Variants in ZNF385D observed in about 807,000 individuals in gnomAD.
ZNF385D encodes the protein zinc finger protein 659.
A neutral mutation model predicts 35.8 loss-of-function variants in ZNF385D; 15 were observed. That is an observed-to-expected ratio of 0.42 (90% CI 0.28 to 0.64). The LOEUF (loss-of-function observed/expected upper bound fraction) is 0.64. Among genes scored for constraint, ZNF385D ranks in the 30% least tolerant of loss-of-function variants. The pLI is 0.23. For missense variants in ZNF385D, 474 were observed against 494.6 expected (o/e 0.96, Z 0.39); for synonymous variants, 212 against 186.8 (o/e 1.13, Z -1.10).
intron 3 of ZNF385D, among the ~76,000 whole-genome samples, chr3:21,763,073 A>T (rs571081247): frequency 6.6e-5 from 10 of 152,210 alleles, no homozygotes; most frequent in Non-Finnish European, 1.3e-4. Flanking sequence ...TAAACAAATA[A>T]GACAAATTTC....
chr3:22,075,692 T>C (rs1216082947), intron 3 of ZNF385D, among the ~76,000 whole-genome samples: 1 of 151,964 alleles, frequency 6.6e-6, no homozygotes, highest in Non-Finnish European at 1.5e-5. Flanking sequence ...CAAAGAAGTT[T>C]TGATACATTC....
At position 21,750,940 on chromosome 3, in the gene ZNF385D, C is replaced by T. The variant is rs953072831; in HGVS notation, c.-24G>A. On this transcript the variant is annotated 5_prime_UTR_variant, in exon 1 of 8. Transcript: ENST00000281523. Reference sequence around the variant, plus strand: ...ATTAATCAGACAGCTGGAATCCCACCGCGGTGTCTTCAGCATCAGCTCTCA... The same window carrying T: ...ATTAATCAGACAGCTGGAATCCCACTGCGGTGTCTTCAGCATCAGCTCTCA... The T allele has an allele frequency of 1.4e-5, 23 of 1,614,094 alleles. No homozygotes were observed. The highest frequency in any genetic ancestry group is 1.9e-5 in the Non-Finnish European group (23 of 1,180,010).
intron 1 of ZNF385D, among the ~76,000 whole-genome samples, chr3:21,732,209 C>T (rs534628496): frequency 7.9e-4 from 120 of 151,688 alleles, no homozygotes; most frequent in African/African-American, 2.8e-3. Flanking sequence ...GCCACCACAC[C>T]CGGCTAATTT....
intron 3 of ZNF385D, among the ~76,000 whole-genome samples, chr3:21,958,641 C>T (rs114073943): frequency 3.3e-5 from 5 of 152,058 alleles, no homozygotes; most frequent in African/African-American, 1.2e-4. Flanking sequence ...CAGGGTAGAA[C>T]TAGATTCTAT....
intron 3 of ZNF385D, among the ~76,000 whole-genome samples, chr3:22,144,091 G>A (rs1028922293): frequency 2.6e-5 from 4 of 152,134 alleles, no homozygotes; most frequent in Non-Finnish European, 4.4e-5. Flanking sequence ...ATAAAAGAAT[G>A]TGGGAAAAAT....
At chr3:21,724,477 C>CAAAAAAAAAAAA (rs200803155) in intron 1 of ZNF385D, among the ~76,000 whole-genome samples, 11 of 52,010 alleles carry the variant, frequency 2.1e-4, no homozygotes, top group African/African-American at 3.2e-4. Flanking sequence ...AATGGAAAGC[C>CAAAAAAAAAAAA]AAAAAAAAAA....
At chr3:22,249,296 C>T (rs1474847589) in intron 2 of ZNF385D, among the ~76,000 whole-genome samples, 1 of 152,132 alleles carries the variant, frequency 6.6e-6, no homozygotes, top group African/African-American at 2.4e-5. Flanking sequence ...TAGCAACTGT[C>T]TTAATAAATG....
chr3:21,641,378 G>A (rs1289151037), intron 2 of ZNF385D, among the ~76,000 whole-genome samples: 2 of 151,634 alleles, frequency 1.3e-5, no homozygotes, highest in Non-Finnish European at 2.9e-5. Context: ...CAGAGGAGGG[G>A]GAGGTGAGAG....
At chr3:21,582,802 G>C (rs909729601) in intron 2 of ZNF385D, among the ~76,000 whole-genome samples, 4 of 151,534 alleles carry the variant, frequency 2.6e-5, no homozygotes, top group African/African-American at 9.7e-5. Flanking sequence ...CTTTGAGATG[G>C]AGTCTCGCTC....
At chr3:21,700,570 A>C (rs1325615155) in intron 1 of ZNF385D, among the ~76,000 whole-genome samples, 2 of 152,128 alleles carry the variant, frequency 1.3e-5, no homozygotes, top group East Asian at 3.9e-4. Context: ...ACCTAAGTAC[A>C]CTCTGGCTCT....
intron 2 of ZNF385D, among the ~76,000 whole-genome samples, chr3:22,363,695 G>A (rs1379611735): frequency 6.6e-6 from 1 of 152,164 alleles, no homozygotes; most frequent in Non-Finnish European, 1.5e-5. Flanking sequence ...CAAGTCTGGT[G>A]AGTGTGTATT....
chr3:21,700,022 G>T (rs2067621223), intron 1 of ZNF385D, among the ~76,000 whole-genome samples: 1 of 151,886 alleles, frequency 6.6e-6, no homozygotes, highest in Admixed American at 6.6e-5. Context: ...AGTAGAGACA[G>T]GGTTTCACCG....
At chr3:21,579,775 A>ATTCCTAGCTGCTAGTGTTTTGTCG (rs60789309) in intron 2 of ZNF385D, 1 of 151,652 alleles carries the variant, frequency 6.6e-6, no homozygotes, top group Non-Finnish European at 1.5e-5. Context: ...CTTCCTTGCC[A>ATTCCTAGCTGCTAGTGTTTTGTCG]GCCGTCTCTG....
At position 22,091,353 on chromosome 3, in the gene ZNF385D, C is replaced by G. The variant is rs578159274; in HGVS notation, c.325+77464G>C. ...TGCAGACCAGATACTGTAGGGGATT[C>G]TGCCATTGGGATGGATTCCCTGATT... On this transcript the variant is annotated intron_variant, in intron 3 of 5. Coordinates refer to the ZNF385D transcript ENST00000494108. Among the ~76,000 whole-genome samples the G allele has an allele frequency of 2.0e-5, 3 of 152,252 alleles. No homozygotes were observed. The South Asian group carries it at 6.2e-4, about 32-fold the overall frequency.
chr3:21,599,699 C>T (rs1253075869), intron 2 of ZNF385D, among the ~76,000 whole-genome samples: 1 of 152,192 alleles, frequency 6.6e-6, no homozygotes, highest in East Asian at 1.9e-4. Flanking sequence ...ATAGAATAGT[C>T]TGAAGATTTA....
intron 3 of ZNF385D, among the ~76,000 whole-genome samples, chr3:22,068,090 T>C (rs1700047519): frequency 6.6e-6 from 1 of 152,208 alleles, no homozygotes; most frequent in South Asian, 2.1e-4. Flanking sequence ...AAATAGAAAT[T>C]AACTGAATTT....
At chr3:22,110,625 C>G (rs1164492573) in intron 3 of ZNF385D, among the ~76,000 whole-genome samples, 1 of 151,630 alleles carries the variant, frequency 6.6e-6, no homozygotes, top group African/African-American at 2.4e-5. Flanking sequence ...ACATCACACT[C>G]CAGGGCCTGT....
intron 3 of ZNF385D, among the ~76,000 whole-genome samples, chr3:22,073,950 A>C (rs1035224282): frequency 6.6e-6 from 1 of 151,982 alleles, no homozygotes; most frequent in Non-Finnish European, 1.5e-5. Flanking sequence ...TAAAAGGAAC[A>C]TCATTATTAA....
intron 3 of ZNF385D, among the ~76,000 whole-genome samples, chr3:22,143,628 G>T (rs1158792720): frequency 6.6e-6 from 1 of 151,656 alleles, no homozygotes; most frequent in African/African-American, 2.4e-5. Context: ...TTCCTATATT[G>T]ATGGCCTTTT....
Sources: gnomAD v4.1 joint callset for allele counts (sites outside exome capture counted in the v4.1 genomes callset) on GRCh38, gnomAD v4.1.1 for gene constraint, MANE v1.5 for transcripts, NCBI Gene and HGNC (gene_info 2026-07-23, HGNC 2026-07-21) for gene names.